TPMT: variants seen among roughly 807,000 people sequenced by gnomAD.
TPMT encodes S-adenosyl-L-methionine:thiopurine S-methyltransferase.
A neutral mutation model predicts 34.2 loss-of-function variants in TPMT; 18 were observed. That is an observed-to-expected ratio of 0.53 (90% confidence interval 0.36 to 0.78). The LOEUF (loss-of-function observed/expected upper bound fraction) is 0.78. TPMT is among the 30% of genes least tolerant of loss of function. The probability of loss-of-function intolerance (pLI) is 0.00; values close to 1 mark genes in which losing one functional copy is unlikely to be tolerated. For missense variants in TPMT, 265 were observed against 288.1 expected (o/e 0.92, Z 0.58); for synonymous variants, 69 against 92.4 (o/e 0.75, Z 1.45).
intron 4 of TPMT, among the ~76,000 whole-genome samples, chr6:18,141,290 A>G (rs1173814972): frequency 1.3e-5 from 2 of 152,026 alleles, no homozygotes; most frequent in African/African-American, 4.8e-5. Flanking sequence ...GGTGGGAGGA[A>G]GATGTGAAAT....
rs1784302465 is a variant in TPMT, at chr6:18,149,113, T to A, written c.15A>T (p.Arg5Ser). 6.2e-7 allele frequency: 1 copy of A among 1,614,146 alleles called. No homozygotes were observed. Among genetic ancestry groups the A allele is most frequent in the African/African-American group, 1.3e-5 (1 of 75,046 alleles). Residue 5 changes from arginine to serine, a missense_variant, in exon 2 of 9, where the codon AGA becomes AGT. Arg to Ser is a moderately radical substitution (Grantham distance 110, BLOSUM62 -1). Coordinates refer to ENST00000309983, the MANE Select transcript of TPMT (RefSeq NM_000367.5). The surrounding 1 kb of genome is among the most constrained non-coding windows in gnomAD (Gnocchi z 5.0). ...AGTACTCTTCAATGTCAAGTGAAGT[T>A]CTTGTACCATCCATAGTTTCAGAGA... MDGT[R>S]TSLDIEEYSD...
rs941162607 is a variant in TPMT, at chr6:18,154,926, G to C, written c.-45+107C>G. On this transcript the variant is annotated intron_variant, in intron 1 of 8. Coordinates refer to ENST00000309983, the MANE Select transcript of TPMT (RefSeq NM_000367.5). The surrounding 1 kb of genome is among the most constrained non-coding windows in gnomAD (Gnocchi z 4.2). Reference sequence around the variant, plus strand: ...CCCCACTTCACAGGGCTGATTGCTAGGCTGTCTACGCTTGTAAGAATTCCT... The same window carrying C: ...CCCCACTTCACAGGGCTGATTGCTACGCTGTCTACGCTTGTAAGAATTCCT... 3.9e-5 allele frequency: 6 copies of C among 152,268 alleles called. No homozygotes were observed. The highest frequency in any genetic ancestry group is 8.8e-5 in the Non-Finnish European group (6 of 68,102). 9.4% of individuals were successfully genotyped at this position (152,268 alleles called of 1,614,324 possible).
chr6:18,134,153 C>T (rs1428013579), intron 6 of TPMT, among the ~76,000 whole-genome samples: 4 of 152,306 alleles, frequency 2.6e-5, no homozygotes, highest in South Asian at 2.1e-4. Flanking sequence ...GAAGACATTA[C>T]ATAAGGATGG....
In TPMT at chr6:18,138,743, A is replaced by C. The variant is rs769770839; in HGVS notation, c.494+220T>G. 1.3e-5 allele frequency among the ~76,000 whole-genome samples: 2 copies of C among 152,226 alleles called. No homozygotes were observed. Among genetic ancestry groups the C allele is most frequent in the Non-Finnish European group, 2.9e-5 (2 of 68,038 alleles). ...TTGGACCAAGGCCACACAGCTTGAA[A>C]GTGATTGAGCCACAAGCCTTATAGC... On this transcript the variant is annotated intron_variant, in intron 6 of 8. Coordinates refer to ENST00000309983, the MANE Select transcript of TPMT (RefSeq NM_000367.5). The surrounding 1 kb of genome is among the most constrained non-coding windows in gnomAD (Gnocchi z 4.1).
Position 18,145,454 on chromosome 6 carries a change from G to A in TPMT, c.234-1726C>T, listed in dbSNP as rs1157229670. Among the ~76,000 whole-genome samples the A allele has an allele frequency of 6.6e-6, 1 of 152,132 alleles. No homozygotes were observed. The highest frequency in any genetic ancestry group is 2.4e-5 in the African/African-American group (1 of 41,424). ...CTGCTTTTACCTAAGGCTTCTTATA[G>A]ATGAAATCACACACAAGCAAATGTG... On this transcript the variant is annotated intron_variant, in intron 3 of 8. Transcript: ENST00000309983. The surrounding 1 kb of genome is among the most constrained non-coding windows in gnomAD (Gnocchi z 5.6).
chr6:18,128,745 A>C lies in TPMT; in HGVS notation c.*1923T>G, dbSNP rs1401733006. The C allele has an allele frequency of 6.6e-6, 1 of 152,334 alleles. No homozygotes were observed. Among genetic ancestry groups the C allele is most frequent in the Non-Finnish European group, 1.5e-5 (1 of 68,266 alleles). 9.4% of individuals were successfully genotyped at this position (152,334 alleles called of 1,614,324 possible). A position where few individuals can be genotyped will look rare whatever the true frequency, so the allele number is the denominator to read the frequency against. ...TTTCTTTTTCTTTCTTTTGAGACAG[A>C]GTCTTGCTCTGTTGCCCAGGCTTGC... On this transcript the variant is annotated 3_prime_UTR_variant, in exon 9 of 9. Transcript: ENST00000309983. The surrounding 1 kb of genome is among the most constrained non-coding windows in gnomAD (Gnocchi z 4.6).
At chr6:18,141,873 T>C (rs1582043074) in intron 4 of TPMT, among the ~76,000 whole-genome samples, 1 of 152,210 alleles carries the variant, frequency 6.6e-6, no homozygotes, top group Admixed American at 6.5e-5. Context: ...GCTGCAGACA[T>C]AGATGCCGGC....
Position 18,143,761 on chromosome 6 carries a change from TG to T in TPMT, c.234-34del. The T allele has an allele frequency of 6.2e-7, 1 of 1,612,728 alleles. No individual in the cohort carries two copies. Among genetic ancestry groups the T allele is most frequent in the Non-Finnish European group, 8.5e-7 (1 of 1,179,302 alleles). On this transcript the variant is annotated intron_variant, in intron 3 of 8. Coordinates refer to ENST00000309983, the MANE Select transcript of TPMT (RefSeq NM_000367.5). This position sits in a 1 kb window ranked among gnomAD's most constrained non-coding sequence, Gnocchi z 6.1. The stretch of plus-strand genomic sequence containing the variant: ...AAATCATACATTTACACTTAAATTA[TG>T]TTTTCAAATGACTAAATAGAGGGTT...
At chr6:18,152,973 G>A (rs1784382887) in intron 1 of TPMT, among the ~76,000 whole-genome samples, 4 of 152,266 alleles carry the variant, frequency 2.6e-5, no homozygotes, top group African/African-American at 7.2e-5. Flanking sequence ...TTTGATATAA[G>A]AGGGCCAAAA....
chr6:18,141,671 A>G (rs1428241611), intron 4 of TPMT, among the ~76,000 whole-genome samples: 1 of 152,184 alleles, frequency 6.6e-6, no homozygotes, highest in Non-Finnish European at 1.5e-5. Context: ...AGAAAAGAGT[A>G]CTTTGTGAGA....
rs1784429946 is a variant in TPMT, at chr6:18,154,334, A to C, written c.-45+699T>G. 2.6e-5 allele frequency among the ~76,000 whole-genome samples: 4 copies of C among 152,182 alleles called. No individual in the cohort carries two copies. The highest frequency in any genetic ancestry group is 9.7e-5 in the African/African-American group (4 of 41,450). On this transcript the variant is annotated intron_variant, in intron 1 of 8. Transcript: ENST00000309983. This position sits in a 1 kb window ranked among gnomAD's most constrained non-coding sequence, Gnocchi z 4.2. ...TCAAGTTGTTCTAGTCTCCATTCTC[A>C]CCTTTTCAAAAGCTTCTGCTATAGT...
intron 1 of TPMT, among the ~76,000 whole-genome samples, chr6:18,151,421 T>G (rs1344207618): frequency 6.6e-6 from 1 of 151,676 alleles, no homozygotes; most frequent in African/African-American, 2.4e-5. Context: ...TGAGCTATGA[T>G]GGTGCCACTG....
rs747307984 is a variant in TPMT at position 18,133,830 on chromosome 6, A to C, written c.554T>G (p.Leu185Arg). The C allele has an allele frequency of 6.2e-7, 1 of 1,612,746 alleles. No individual in the cohort carries two copies. The highest frequency in any genetic ancestry group is 1.1e-5 in the South Asian group (1 of 90,354). ...GKKFQYLLCV[L>R]SYDPTKHPGP... ...TGGATGTTTAGTTGGATCATAAGAA[A>C]GAACACACAGGAGATACTGAAACTT... The change falls in exon 7 of 9, where the codon CTT becomes CGT. Residue 185 changes from leucine to arginine, a missense_variant. Transcript: ENST00000309983.
chr6:18,139,080 T>A lies in TPMT; in HGVS notation c.420-43A>T. 6.4e-7 allele frequency: 1 copy of A among 1,563,394 alleles called. No homozygotes were observed. Among genetic ancestry groups the A allele is most frequent in the Non-Finnish European group, 8.8e-7 (1 of 1,133,616 alleles). On this transcript the variant is annotated intron_variant, in intron 5 of 8. Coordinates refer to ENST00000309983, the MANE Select transcript of TPMT (RefSeq NM_000367.5). The surrounding 1 kb of genome is among the most constrained non-coding windows in gnomAD (Gnocchi z 4.2). ...AACATTTTATGGGAGAAAAATCAAA[T>A]CTTTAAGAAGATGAGCAGCGTCCCC...
rs1411707690 is a variant in TPMT at position 18,143,857 on chromosome 6, A to G, written c.234-129T>C. The G allele has an allele frequency of 1.6e-6, 2 of 1,219,984 alleles. No homozygotes were observed. The highest frequency in any genetic ancestry group is 5.1e-5 in the East Asian group (2 of 39,072). The allele number at this position is 1,219,984 out of a possible 1,614,324, so 75.6% of individuals were successfully genotyped here. On this transcript the variant is annotated intron_variant, in intron 3 of 8. Transcript: ENST00000309983. This position sits in a 1 kb window ranked among gnomAD's most constrained non-coding sequence, Gnocchi z 6.1. ...ATGAATTCAGGTTCATAGGGTTTCAAAGAACATGCAGGAAAGCAGATCTAT... is the reference window on the plus strand; with the variant it reads ...ATGAATTCAGGTTCATAGGGTTTCAGAGAACATGCAGGAAAGCAGATCTAT...
In TPMT at chr6:18,142,739, T is replaced by C. The variant is rs28385613; in HGVS notation, c.366+857A>G. ...CTCCACAGGTCCCTTAAACTCATCA[T>C]CTCTAGAAAAAGATTCATTCTTTCT... On this transcript the variant is annotated intron_variant, in intron 4 of 8. Transcript: ENST00000309983. 2.0e-5 allele frequency among the ~76,000 whole-genome samples: 3 copies of C among 151,732 alleles called. No homozygotes were observed. The South Asian group carries it at 6.3e-4, about 32-fold the overall frequency.
Position 18,153,217 on chromosome 6 carries a change from T to G in TPMT, c.-45+1816A>C, listed in dbSNP as rs577391311. Among the ~76,000 whole-genome samples the G allele has an allele frequency of 1.4e-4, 21 of 152,334 alleles. No individual in the cohort carries two copies. Among genetic ancestry groups the G allele is most frequent in the African/African-American group, 5.1e-4 (21 of 41,582 alleles). Reference sequence around the variant, plus strand: ...GGCTACACTTCTCAGCCAGTCAGAATGGCTGCTCTACAGTCTGAAACCATT... The same window carrying G: ...GGCTACACTTCTCAGCCAGTCAGAAGGGCTGCTCTACAGTCTGAAACCATT... On this transcript the variant is annotated intron_variant, in intron 1 of 8. Transcript: ENST00000309983. The surrounding 1 kb of genome is among the most constrained non-coding windows in gnomAD (Gnocchi z 4.2).
At chr6:18,147,784 T>G (rs1784274860) in intron 3 of TPMT, 39 bp downstream of exon 3, 4 of 1,566,828 alleles carry the variant, frequency 2.6e-6, no homozygotes, top group Non-Finnish European at 3.5e-6. Flanking sequence ...AATTCATCAT[T>G]AAGGCAAGAT....
chr6:18,147,582 C>A (rs1460705232), intron 3 of TPMT, among the ~76,000 whole-genome samples: 4 of 152,150 alleles, frequency 2.6e-5, no homozygotes. Context: ...TTTTCTCCCC[C>A]CATTGGCTCC....
Sources: gnomAD v4.1 joint callset for allele counts (sites outside exome capture counted in the v4.1 genomes callset) on GRCh38, gnomAD v4.1.1 for gene constraint, Gnocchi (gnomAD v3.1) non-coding constraint, MANE v1.5 for transcripts, NCBI Gene and HGNC (gene_info 2026-07-23, HGNC 2026-07-21) for gene names.